GAPVD1: variants seen among roughly 807,000 people sequenced by gnomAD.
The protein encoded by GAPVD1 is GTPase activating protein and VPS9 domains 1.
Under a neutral mutation model 155.5 loss-of-function variants are expected in GAPVD1, and 35 were observed. The observed-to-expected ratio is 0.23, with a 90% confidence interval of 0.17 to 0.30. GAPVD1 has a LOEUF of 0.30. Ranked by LOEUF, GAPVD1 falls within the 10% of genes least tolerant of loss-of-function variation. GAPVD1 has a pLI of 1.00. For synonymous variants in GAPVD1, 636 were observed against 619.7 expected (o/e 1.03, Z -0.39); for missense variants, 1,429 against 1,775.7 (o/e 0.80, Z 3.51).
rs562119544 is a variant in GAPVD1, at chr9:125,298,313, A to T, written c.-32-577A>T. Among the ~76,000 whole-genome samples the T allele has an allele frequency of 9.9e-5, 15 of 152,250 alleles. No homozygotes were observed. In the East Asian group the frequency reaches 2.7e-3, roughly 27 times the overall value. On this transcript the variant is annotated intron_variant, in intron 3 of 27. Coordinates refer to ENST00000297933, the MANE Select transcript of GAPVD1 (RefSeq NM_001282680.3). ...AGACATTGTATTTGAGGATATACAC[A>T]GGGTTTACAGCACCTGTCTCTAAGC...
intron 1 of GAPVD1, among the ~76,000 whole-genome samples, chr9:125,262,705 C>T (rs1054061743): frequency 6.6e-6 from 1 of 152,060 alleles, no homozygotes; most frequent in African/African-American, 2.4e-5. Context: ...GGACTTTGAA[C>T]TAGAGAGGGG....
At chr9:125,271,952 T>C (rs747708064) in intron 2 of GAPVD1, among the ~76,000 whole-genome samples, 6 of 152,236 alleles carry the variant, frequency 3.9e-5, no homozygotes, top group Non-Finnish European at 8.8e-5. Flanking sequence ...CTAAAAGTTA[T>C]AACATTTAAG....
chr9:125,293,864 A>AAATATATTTTT (rs1427205864), intron 2 of GAPVD1, among the ~76,000 whole-genome samples: 1 of 14,728 alleles, frequency 6.8e-5, no homozygotes, highest in African/African-American at 6.7e-4. Flanking sequence ...ATATATATAT[A>AAATATATTTTT]TATATATATA....
intron 11 of GAPVD1, among the ~76,000 whole-genome samples, chr9:125,326,088 T>C (rs1308268346): frequency 6.6e-6 from 1 of 152,222 alleles, no homozygotes; most frequent in Non-Finnish European, 1.5e-5. Context: ...AGTTATCCAC[T>C]GGAGGCCATT....
At position 125,337,039 on chromosome 9, in the gene GAPVD1, C is replaced by G; in HGVS notation, c.2450C>G (p.Pro817Arg). 6.2e-7 allele frequency: 1 copy of G among 1,612,262 alleles called. No individual in the cohort carries two copies. Among genetic ancestry groups the G allele is most frequent in the Non-Finnish European group, 8.5e-7 (1 of 1,178,296 alleles). Reference sequence around the variant, plus strand: ...TTAGGTGCCCACCAGCTGACCTCTCCTCCTTCTCAGTCAGAGTCTCTGCTG... The same window carrying G: ...TTAGGTGCCCACCAGCTGACCTCTCGTCCTTCTCAGTCAGAGTCTCTGCTG... Reference protein sequence around the residue: ...ITHGAHQLTSPPSQSESLLAM... With the variant: ...ITHGAHQLTSRPSQSESLLAM... The change falls in exon 16 of 28, where the codon CCT becomes CGT. Residue 817 changes from proline to arginine, a missense_variant. Transcript: ENST00000297933.
chr9:125,356,303 G>A (rs1206291183), intron 25 of GAPVD1, among the ~76,000 whole-genome samples: 3 of 152,092 alleles, frequency 2.0e-5, no homozygotes, highest in African/African-American at 7.2e-5. Flanking sequence ...TCTGAACCCA[G>A]CCCTACTAAC....
intron 9 of GAPVD1, among the ~76,000 whole-genome samples, chr9:125,316,969 T>G (rs139829646): frequency 1.3e-5 from 2 of 152,198 alleles, no homozygotes; most frequent in Non-Finnish European, 2.9e-5. Context: ...GCAAAACTTA[T>G]GAGGCATATA....
rs1841050298 is a variant in GAPVD1 at position 125,302,446 on chromosome 9, A to G, written c.649A>G (p.Thr217Ala). The change falls in exon 5 of 28, where the codon ACA becomes GCA. Residue 217 changes from threonine (T) to alanine (A), a missense_variant. This residue lies in a region of GAPVD1 where 628 missense variants were observed against 733.4 expected (regional missense o/e 0.86). Coordinates refer to ENST00000297933, the MANE Select transcript of GAPVD1 (RefSeq NM_001282680.3). ...TGTTGAAGATGAAGATCACCTGGAA[A>G]CAGATCCAAACAAGCTAATTGAGAG... ...LLVEDEDHLE[T>A]DPNKLIERFS... is the part of the protein sequence containing the mutation. The G allele has an allele frequency of 1.9e-6, 3 of 1,613,674 alleles. No individual in the cohort carries two copies.
chr9:125,337,660 C>T, intron 17 of GAPVD1, 69 bp downstream of exon 17: 2 of 1,344,258 alleles, frequency 1.5e-6, no homozygotes, highest in Non-Finnish European at 2.0e-6. Flanking sequence ...CTGAAATTAA[C>T]ATGGAATATA....
intron 3 of GAPVD1, among the ~76,000 whole-genome samples, chr9:125,295,830 A>C (rs1255763534): frequency 6.6e-6 from 1 of 151,988 alleles, no homozygotes; most frequent in Non-Finnish European, 1.5e-5. Context: ...AAAACATTTT[A>C]TGTTCTCTTT....
intron 24 of GAPVD1, 125 bp downstream of exon 24, chr9:125,354,966 T>C (rs1849846883): frequency 1.2e-5 from 7 of 581,710 alleles, no homozygotes; most frequent in East Asian, 5.5e-5. Flanking sequence ...AATTATTTTA[T>C]GGAATCTTAA....
At chr9:125,273,649 G>C (rs1835264403) in intron 2 of GAPVD1, among the ~76,000 whole-genome samples, 1 of 151,992 alleles carries the variant, frequency 6.6e-6, no homozygotes, top group Non-Finnish European at 1.5e-5. Flanking sequence ...TTATGAGCGA[G>C]GTGGGTCTCA....
intron 15 of GAPVD1, among the ~76,000 whole-genome samples, chr9:125,334,182 G>T (rs1846516745): frequency 6.7e-6 from 1 of 150,350 alleles, no homozygotes; most frequent in African/African-American, 2.5e-5. Flanking sequence ...GTCGACATTT[G>T]TACTTACGGT....
chr9:125,265,719 A>G, intron 1 of GAPVD1, among the ~76,000 whole-genome samples: 1 of 24,248 alleles, frequency 4.1e-5, no homozygotes, highest in Non-Finnish European at 8.6e-5. Context: ...CCAAAAAAAA[A>G]ATTTCATGTC....
chr9:125,337,484 A>G lies in GAPVD1; in HGVS notation c.2770A>G (p.Asn924Asp). The change falls in exon 17 of 28, where the codon AAT becomes GAT. Residue 924 changes from asparagine to aspartate, a missense_variant. Around this residue, in one of 4 missense-constraint regions of GAPVD1, gnomAD observed 699 missense variants for 826.0 expected, o/e 0.85. Transcript: ENST00000297933. Reference protein sequence around the residue: ...SDPSWNRRPGNEERELPPAAA... With the variant: ...SDPSWNRRPGDEERELPPAAA... The stretch of plus-strand genomic sequence containing the variant: ...CCCCAGCTGGAACCGGCGTCCAGGA[A>G]ATGAAGAGCGAGAACTCCCTCCAGC... The G allele has an allele frequency of 6.2e-7, 1 of 1,614,172 alleles. No homozygotes were observed. Among genetic ancestry groups the G allele is most frequent in the Non-Finnish European group, 8.5e-7 (1 of 1,180,026 alleles).
chr9:125,272,721 C>G (rs1293362769), intron 2 of GAPVD1, among the ~76,000 whole-genome samples: 1 of 152,108 alleles, frequency 6.6e-6, no homozygotes, highest in Non-Finnish European at 1.5e-5. Flanking sequence ...TTGGGTAGAA[C>G]CACAGTAATG....
intron 20 of GAPVD1, among the ~76,000 whole-genome samples, chr9:125,348,198 A>G (rs921555327): frequency 7.2e-5 from 11 of 152,212 alleles, no homozygotes; most frequent in African/African-American, 2.4e-4. Flanking sequence ...TGGGACCACA[A>G]GCACGTTCCA....
At chr9:125,290,727 G>A (rs1304277727) in intron 2 of GAPVD1, among the ~76,000 whole-genome samples, 1 of 152,108 alleles carries the variant, frequency 6.6e-6, no homozygotes, top group Non-Finnish European at 1.5e-5. Context: ...AGTGATAATA[G>A]CCAGACATGG....
intron 13 of GAPVD1, among the ~76,000 whole-genome samples, chr9:125,331,671 A>G (rs944794582): frequency 1.3e-5 from 2 of 152,220 alleles, no homozygotes; most frequent in African/African-American, 2.4e-5. Context: ...ATGTTAATCA[A>G]TAGCATACTC....
Sources: gnomAD v4.1 joint callset for allele counts (sites outside exome capture counted in the v4.1 genomes callset) on GRCh38, gnomAD v4.1.1 for gene constraint, gnomAD v4.1.1 regional missense constraint, MANE v1.5 for transcripts, NCBI Gene and HGNC (gene_info 2026-07-23, HGNC 2026-07-21) for gene names.